SDK1: variants seen among roughly 807,000 people sequenced by gnomAD.
SDK1 encodes protein sidekick-1.
Under a neutral mutation model 245.5 loss-of-function variants are expected in SDK1, and 157 were observed. The ratio of observed to expected loss-of-function variants is 0.64; its 90% CI spans 0.56 to 0.73. The LOEUF (loss-of-function observed/expected upper bound fraction) is 0.73. Ranked by LOEUF, SDK1 falls within the 30% of genes least tolerant of loss-of-function variation. SDK1 has a pLI of 0.00. For synonymous variants in SDK1, 1,647 were observed against 1,278.5 expected (o/e 1.29, Z -6.15); for missense variants, 3,583 against 3,002.3 (o/e 1.19, Z -4.52).
intron 4 of SDK1, among the ~76,000 whole-genome samples, chr7:3,771,297 A>G (rs1780399835): frequency 2.0e-5 from 3 of 152,100 alleles, no homozygotes; most frequent in Admixed American, 1.3e-4. Context: ...TTGGCAAGCC[A>G]TCACCTCACT....
chr7:4,207,558 C>T (rs985794666), intron 36 of SDK1, among the ~76,000 whole-genome samples: 1 of 152,142 alleles, frequency 6.6e-6, no homozygotes, highest in African/African-American at 2.4e-5. Context: ...GCTTTAATCT[C>T]CAAAGTATAT....
intron 13 of SDK1, among the ~76,000 whole-genome samples, chr7:3,977,730 A>G (rs189919668): frequency 2.0e-5 from 3 of 152,206 alleles, no homozygotes; most frequent in African/African-American, 7.2e-5. Context: ...GGACGACCAT[A>G]TCTTCATGGC....
intron 1 of SDK1, among the ~76,000 whole-genome samples, chr7:3,546,849 T>C (rs1349128517): frequency 2.0e-5 from 3 of 152,164 alleles, no homozygotes; most frequent in Admixed American, 6.5e-5. Context: ...GTTTATGAAG[T>C]TAAGAGTTTA....
chr7:3,992,001 G>A (rs79669728), intron 14 of SDK1, among the ~76,000 whole-genome samples: 59 of 152,352 alleles, frequency 3.9e-4, no homozygotes, highest in African/African-American at 1.3e-3. Context: ...TCCACTCAGC[G>A]TGTGCAAGTG....
chr7:3,848,659 A>G (rs113356283), intron 5 of SDK1, among the ~76,000 whole-genome samples: 8,297 of 151,984 alleles, frequency 0.055, 727 homozygotes, highest in African/African-American at 0.18. Context: ...TGCAATGACT[A>G]TAGAGTTGTC....
chr7:3,858,571 C>T (rs991286411), intron 5 of SDK1, among the ~76,000 whole-genome samples: 3 of 151,954 alleles, frequency 2.0e-5, no homozygotes, highest in African/African-American at 7.3e-5. Context: ...CTTTCCAAGT[C>T]GTCTATGTCT....
intron 1 of SDK1, among the ~76,000 whole-genome samples, chr7:3,573,696 A>C (rs769676255): frequency 5.9e-5 from 9 of 151,972 alleles, no homozygotes; most frequent in African/African-American, 2.2e-4. Flanking sequence ...CAGGGCCAAC[A>C]CTAAAACTAG....
chr7:3,322,706 T>C (rs938014233), intron 1 of SDK1, among the ~76,000 whole-genome samples: 1 of 152,236 alleles, frequency 6.6e-6, no homozygotes, highest in African/African-American at 2.4e-5. Context: ...TCCTTTGCAG[T>C]GTAATCTCTT....
At chr7:4,023,809 A>C (rs1787122054) in intron 17 of SDK1, among the ~76,000 whole-genome samples, 1 of 152,258 alleles carries the variant, frequency 6.6e-6, no homozygotes, top group Non-Finnish European at 1.5e-5. Flanking sequence ...TAATGATGAA[A>C]GACACAGGAA....
At chr7:3,380,278 A>G (rs931407093) in intron 1 of SDK1, among the ~76,000 whole-genome samples, 4 of 152,238 alleles carry the variant, frequency 2.6e-5, no homozygotes, top group African/African-American at 9.6e-5. Flanking sequence ...ATTGGTGACA[A>G]AGCTGACTTA....
chr7:3,944,314 T>A (rs989021081), intron 5 of SDK1, among the ~76,000 whole-genome samples: 3 of 152,248 alleles, frequency 2.0e-5, no homozygotes, highest in African/African-American at 7.2e-5. Context: ...CATGTGTAAA[T>A]CATTTACCAA....
At chr7:3,587,812 G>C (rs1303387963) in intron 1 of SDK1, among the ~76,000 whole-genome samples, 6 of 152,344 alleles carry the variant, frequency 3.9e-5, no homozygotes, top group African/African-American at 1.4e-4. Context: ...TCCATGGGTA[G>C]ACATCAGCTC....
chr7:3,363,811 C>T (rs1008369790), intron 1 of SDK1, among the ~76,000 whole-genome samples: 16 of 152,200 alleles, frequency 1.1e-4, no homozygotes, highest in African/African-American at 3.9e-4. Flanking sequence ...GCTGTGCAGC[C>T]TGGTTCCTAA....
At position 4,161,775 on chromosome 7, in the gene SDK1, G is replaced by C. The variant is rs376206844; in HGVS notation, c.4730-11G>C. 3.7e-6 allele frequency: 6 copies of C among 1,612,088 alleles called. No individual in the cohort carries two copies. In the African/African-American group the frequency reaches 8.0e-5, roughly 22 times the overall value. ...ACCCTGACCCCCGCTTTCCTCTCCT[G>C]TGTGTTTCAGTTCCAGGAGAGCCCC... On this transcript the variant is annotated splice_polypyrimidine_tract_variant and intron_variant, in intron 31 of 44. Transcript: ENST00000404826.
At chr7:3,724,369 TTGA>T (rs1169210212) in intron 4 of SDK1, among the ~76,000 whole-genome samples, 3 of 151,960 alleles carry the variant, frequency 2.0e-5, no homozygotes, top group Admixed American at 2.0e-4. Flanking sequence ...GCCCAGGAGT[TTGA>T]GACCAGCCTG....
intron 22 of SDK1, among the ~76,000 whole-genome samples, chr7:4,088,798 C>T (rs888979658): frequency 6.6e-6 from 1 of 152,148 alleles, no homozygotes; most frequent in African/African-American, 2.4e-5. Flanking sequence ...GTAGATTTGG[C>T]CTGGGTTTTA....
At chr7:4,022,647 T>A (rs536646216) in intron 17 of SDK1, among the ~76,000 whole-genome samples, 19 of 152,192 alleles carry the variant, frequency 1.2e-4, no homozygotes, top group Admixed American at 5.9e-4. Flanking sequence ...AGCATACATT[T>A]TTGGTCTCAA....
chr7:4,197,310 A>AAAAAGT (rs1250431810), intron 35 of SDK1, among the ~76,000 whole-genome samples: 14 of 150,530 alleles, frequency 9.3e-5, no homozygotes, highest in African/African-American at 3.4e-4. Flanking sequence ...AAAAAAAAAG[A>AAAAAGT]AAAAGAAAAG....
intron 1 of SDK1, among the ~76,000 whole-genome samples, chr7:3,354,343 G>T (rs1326009985): frequency 6.6e-6 from 1 of 151,962 alleles, no homozygotes; most frequent in Non-Finnish European, 1.5e-5. Context: ...AAAAAAAACA[G>T]GGATATAAAC....
Sources: allele counts gnomAD v4.1 joint callset (sites outside exome capture counted in the v4.1 genomes callset), GRCh38; gene constraint gnomAD v4.1.1; transcripts MANE v1.5; gene names NCBI Gene and HGNC (gene_info 2026-07-23, HGNC 2026-07-21).